The following NCOA2 variants were observed in gnomAD, a reference collection of about 807,000 sequenced individuals.
The protein encoded by NCOA2 is nuclear receptor coactivator 2.
Under a neutral mutation model 145.1 loss-of-function variants are expected in NCOA2, and 21 were observed. That is an observed-to-expected ratio of 0.14 (90% CI 0.10 to 0.21). The LOEUF (loss-of-function observed/expected upper bound fraction) is 0.21, where lower values mean the gene tolerates loss of function less well. Among genes scored for constraint, NCOA2 ranks in the 10% least tolerant of loss-of-function variants. The pLI, the probability that NCOA2 is intolerant of heterozygous loss-of-function variation, is 1.00. For synonymous variants in NCOA2, 619 were observed against 637.5 expected (o/e 0.97, Z 0.44); for missense variants, 1,472 against 1,837.6 (o/e 0.80, Z 3.64).
At position 70,128,820 on chromosome 8, in the gene NCOA2, C is replaced by T. The variant is rs370180913; in HGVS notation, c.3485G>A (p.Arg1162Gln). Residue 1162 changes from arginine to glutamine, a missense_variant, in exon 17 of 23, where the codon CGG becomes CAG. This residue lies in a region of NCOA2 where 953 missense variants were observed against 1,062.1 expected (regional missense o/e 0.90). Coordinates refer to ENST00000452400, the MANE Select transcript of NCOA2 (RefSeq NM_006540.4). ...QDPNFHTMGQ[R>Q]PSYATLRMQP... ...CATACGGAGTGTGGCATAACTAGGCCGCTGTCCCATGGTGTGAAAGTTTGG... is the reference window on the plus strand; with the variant it reads ...CATACGGAGTGTGGCATAACTAGGCTGCTGTCCCATGGTGTGAAAGTTTGG... The T allele has an allele frequency of 1.2e-6, 2 of 1,614,020 alleles. No homozygotes were observed. Among genetic ancestry groups the T allele is most frequent in the South Asian group, 1.1e-5 (1 of 91,080 alleles).
At position 70,113,191 on chromosome 8, in the gene NCOA2, G is replaced by C; in HGVS notation, c.*441C>G. ...TTAAAAAATTCTTTTCTTTCCCCCAGATAAAATCTTAATCTTTTGCACTAG... is the reference window on the plus strand; with the variant it reads ...TTAAAAAATTCTTTTCTTTCCCCCACATAAAATCTTAATCTTTTGCACTAG... On this transcript the variant is annotated 3_prime_UTR_variant, in exon 23 of 23. Coordinates refer to ENST00000452400, the MANE Select transcript of NCOA2 (RefSeq NM_006540.4). 1 of 230,370 alleles carries C rather than the reference G, an allele frequency of 4.3e-6. No homozygotes were observed. Among genetic ancestry groups the C allele is most frequent in the East Asian group, 6.6e-5 (1 of 15,092 alleles). 14.3% of individuals were successfully genotyped at this position (230,370 alleles called of 1,614,324 possible). A position where few individuals can be genotyped will look rare whatever the true frequency, so the allele number is the denominator to read the frequency against.
the NCOA2 span, among the ~76,000 whole-genome samples, chr8:70,409,930 C>G: frequency 1.3e-5 from 2 of 151,924 alleles, no homozygotes; most frequent in African/African-American, 4.8e-5. Context: ...GAGAGAGCAG[C>G]CAGGTGCAGT....
At chr8:70,350,973 T>C (rs1284020239) in intron 1 of NCOA2, among the ~76,000 whole-genome samples, 4 of 152,176 alleles carry the variant, frequency 2.6e-5, no homozygotes, top group Admixed American at 1.3e-4. Context: ...GCTTGGCAAC[T>C]GATGATGGCC....
At position 70,170,397 on chromosome 8, in the gene NCOA2, A is replaced by G. The variant is rs1481809136; in HGVS notation, c.364-18T>C. The G allele has an allele frequency of 4.5e-6, 7 of 1,552,232 alleles. No homozygotes were observed. The highest frequency in any genetic ancestry group is 6.1e-6 in the Non-Finnish European group (7 of 1,147,708). On this transcript the variant is annotated intron_variant, in intron 5 of 22. Coordinates refer to ENST00000452400, the MANE Select transcript of NCOA2 (RefSeq NM_006540.4). ...TCAAGGGCCTAGGGAACAAAGTACA[A>G]ATTGTGTTAGAAAGGATGCAACATA...
intron 2 of NCOA2, among the ~76,000 whole-genome samples, chr8:70,219,306 T>A (rs561416807): frequency 6.6e-6 from 1 of 152,244 alleles, no homozygotes; most frequent in East Asian, 1.9e-4. Context: ...CAAGTGGTTT[T>A]CCCTTTTATT....
intron 2 of NCOA2, among the ~76,000 whole-genome samples, chr8:70,281,625 T>TA (rs1008973038): frequency 3.3e-5 from 5 of 152,038 alleles, no homozygotes; most frequent in Admixed American, 1.3e-4. Flanking sequence ...GCAGCAAAAG[T>TA]AACAACACTC....
intron 2 of NCOA2, among the ~76,000 whole-genome samples, chr8:70,247,319 C>T (rs1822715787): frequency 6.6e-6 from 1 of 151,914 alleles, no homozygotes; most frequent in Non-Finnish European, 1.5e-5. Context: ...TTTAAAATAC[C>T]AGCCTATGCC....
the NCOA2 span, among the ~76,000 whole-genome samples, chr8:70,454,326 G>A: frequency 6.6e-6 from 1 of 152,176 alleles, no homozygotes; most frequent in East Asian, 1.9e-4. Flanking sequence ...GCTCTGAACT[G>A]TTCTTGAGAA....
the NCOA2 span, among the ~76,000 whole-genome samples, chr8:70,444,638 G>T: frequency 6.6e-6 from 1 of 152,126 alleles, no homozygotes; most frequent in Non-Finnish European, 1.5e-5. Context: ...GGGTATATGG[G>T]ATCTCCCCAC....
the NCOA2 span, among the ~76,000 whole-genome samples, chr8:70,446,638 A>G: frequency 6.6e-6 from 1 of 152,050 alleles, no homozygotes; most frequent in African/African-American, 2.4e-5. Context: ...CCTTTCCCCC[A>G]GAGAGTCCCC....
At position 70,110,409 on chromosome 8, in the gene NCOA2, G is replaced by C. The variant is rs1409726206; in HGVS notation, c.*3223C>G. 1.5e-5 allele frequency: 3 copies of C among 194,470 alleles called. No individual in the cohort carries two copies. In the Admixed American group the frequency reaches 1.8e-4, roughly 12 times the overall value. The allele number at this position is 194,470 out of a possible 1,614,324, so 12.0% of individuals were successfully genotyped here. A position where few individuals can be genotyped will look rare whatever the true frequency, so the allele number is the denominator to read the frequency against. ...TTTACCTGTAGTAAGAAACTTAAAA[G>C]ATTTTGCTTTAGTCTATAAAGAAAC... On this transcript the variant is annotated 3_prime_UTR_variant, in exon 23 of 23. Coordinates refer to ENST00000452400, the MANE Select transcript of NCOA2 (RefSeq NM_006540.4).
chr8:70,404,416 C>G (rs532219280), upstream of NCOA2, among the ~76,000 whole-genome samples: 8 of 152,304 alleles, frequency 5.3e-5, no homozygotes, highest in South Asian at 1.7e-3. Context: ...GACCCTCGCG[C>G]CCGTCCGGCC....
chr8:70,268,767 A>G (rs1206437454), intron 2 of NCOA2, among the ~76,000 whole-genome samples: 1 of 152,220 alleles, frequency 6.6e-6, no homozygotes, highest in Non-Finnish European at 1.5e-5. Context: ...TGAATTCTGT[A>G]CAAATCCTGC....
intron 1 of NCOA2, among the ~76,000 whole-genome samples, chr8:70,370,014 G>C (rs1007350088): frequency 6.6e-6 from 1 of 151,922 alleles, no homozygotes; most frequent in Non-Finnish European, 1.5e-5. Flanking sequence ...GCCTCCAGAG[G>C]AGCTGAGACC....
intron 1 of NCOA2, among the ~76,000 whole-genome samples, chr8:70,324,299 G>A (rs535729884): frequency 6.6e-6 from 1 of 152,100 alleles, no homozygotes; most frequent in Non-Finnish European, 1.5e-5. Context: ...AGTACCAGGT[G>A]CCAGAGGATA....
intron 1 of NCOA2, among the ~76,000 whole-genome samples, chr8:70,358,530 T>A (rs1280486019): frequency 6.6e-6 from 1 of 152,176 alleles, no homozygotes; most frequent in Non-Finnish European, 1.5e-5. Flanking sequence ...ATTCAACATG[T>A]GATGCTGGAA....
intron 1 of NCOA2, among the ~76,000 whole-genome samples, chr8:70,362,193 G>A (rs1225870166): frequency 6.6e-6 from 1 of 152,066 alleles, no homozygotes; most frequent in African/African-American, 2.4e-5. Flanking sequence ...TGAGCAAAGG[G>A]GAGAATATAG....
chr8:70,390,336 CAAAGCTTA>C (rs539450047), intron 1 of NCOA2, among the ~76,000 whole-genome samples: 9 of 152,238 alleles, frequency 5.9e-5, no homozygotes, highest in Non-Finnish European at 1.3e-4. Context: ...TTGCTTTTTC[CAAAGCTTA>C]AAAGTTTCAA....
chr8:70,221,764 A>C (rs1339265770), intron 2 of NCOA2, among the ~76,000 whole-genome samples: 1 of 152,358 alleles, frequency 6.6e-6, no homozygotes, highest in Admixed American at 6.5e-5. Flanking sequence ...GATTCATACA[A>C]AGAATCATCA....
Sources: allele counts gnomAD v4.1 joint callset (sites outside exome capture counted in the v4.1 genomes callset), GRCh38; gene constraint gnomAD v4.1.1; regional missense constraint gnomAD v4.1.1; transcripts MANE v1.5; gene names NCBI Gene and HGNC (gene_info 2026-07-23, HGNC 2026-07-21).